The following PHF14 variants were observed in gnomAD, a reference collection of about 807,000 sequenced individuals.
The protein encoded by PHF14 is PHD finger protein 14.
Under a neutral mutation model 117.9 loss-of-function variants are expected in PHF14, and 55 were observed. The observed-to-expected ratio is 0.47, with a 90% CI of 0.38 to 0.58. The LOEUF is 0.58. PHF14 is among the 20% of genes least tolerant of loss of function. The pLI, the probability that PHF14 is intolerant of heterozygous loss-of-function variation, is 0.00. For missense variants in PHF14, 978 were observed against 1,122.2 expected, an observed-to-expected ratio of 0.87 and a Z score of 1.84; for synonymous variants, 409 against 368.6, an observed-to-expected ratio of 1.11 and a Z score of -1.26.
chr7:10,990,286 A>G (rs1276876572), intron 3 of PHF14, among the ~76,000 whole-genome samples: 1 of 152,214 alleles, frequency 6.6e-6, no homozygotes, highest in Non-Finnish European at 1.5e-5. Flanking sequence ...ATAAGCTCCT[A>G]AAGTGTAAGA....
At chr7:11,054,023 CAAA>C (rs879351207) in intron 14 of PHF14, among the ~76,000 whole-genome samples, 1 of 140,860 alleles carries the variant, frequency 7.1e-6, no homozygotes. Context: ...GTTGAAGCTC[CAAA>C]AAAAAAAAAT....
chr7:11,063,143 A>G (rs530568773), intron 16 of PHF14: 7 of 958,858 alleles, frequency 7.3e-6, no homozygotes, highest in Non-Finnish European at 8.7e-6. Flanking sequence ...AATGAGAAAG[A>G]TAAAGTAAAA....
intron 16 of PHF14, chr7:11,109,711 C>CT (rs1261000260): frequency 2.0e-5 from 3 of 151,374 alleles, no homozygotes; most frequent in African/African-American, 7.3e-5. Context: ...ATTATTCTTT[C>CT]TTAATGCCAG....
At chr7:11,004,468 T>C (rs1004044014) in intron 4 of PHF14, among the ~76,000 whole-genome samples, 2 of 151,724 alleles carry the variant, frequency 1.3e-5, no homozygotes, top group African/African-American at 2.4e-5. Context: ...GTCACTATGG[T>C]TTCTCCACAC....
chr7:11,136,967 A>G (rs1788238097), intron 17 of PHF14, among the ~76,000 whole-genome samples: 2 of 152,222 alleles, frequency 1.3e-5, no homozygotes, highest in Admixed American at 6.5e-5. Flanking sequence ...AGAAATAACC[A>G]CTACTAACAT....
intron 17 of PHF14, among the ~76,000 whole-genome samples, chr7:11,139,283 G>A (rs1044140493): frequency 2.6e-5 from 4 of 152,034 alleles, no homozygotes; most frequent in Non-Finnish European, 5.9e-5. Context: ...TAAAAATTAG[G>A]CATTCATCTA....
intron 16 of PHF14, among the ~76,000 whole-genome samples, chr7:11,074,408 C>A (rs1025553956): frequency 1.3e-5 from 2 of 151,960 alleles, no homozygotes; most frequent in East Asian, 3.9e-4. Flanking sequence ...GGCAGGGTTT[C>A]GCCGTGTTAG....
rs1366372206 is a variant in PHF14, at chr7:11,169,446, A to G, written c.2803A>G (p.Ile935Val). ...TGAAAATGAAGCTGAAAGAAAAAATATATCTCAGGAGCTCAACATGGAACA... is the reference window on the plus strand; with the variant it reads ...TGAAAATGAAGCTGAAAGAAAAAATGTATCTCAGGAGCTCAACATGGAACA... ...EDENEAERKN[I>V]SQELNMEQKN... Residue 935 changes from isoleucine (I) to valine (V), a missense_variant, in exon 18 of 18, where the codon ATA (isoleucine) becomes GTA (valine). Ile to Val is a conservative substitution (Grantham distance 29). Transcript: ENST00000634607. 6 of 1,512,722 alleles carry G rather than the reference A, an allele frequency of 4.0e-6. No homozygotes were observed. Among genetic ancestry groups the G allele is most frequent in the Non-Finnish European group, 5.4e-6 (6 of 1,115,492 alleles). 93.7% of individuals were successfully genotyped at this position (1,512,722 alleles called of 1,614,324 possible).
intron 3 of PHF14, among the ~76,000 whole-genome samples, chr7:10,987,414 CAT>C (rs1252901827): frequency 2.5e-3 from 384 of 152,010 alleles, no homozygotes; most frequent in African/African-American, 8.9e-3. Context: ...CATTTACAGT[CAT>C]ATGTGGAATA....
chr7:11,071,260 A>G (rs998811923), intron 16 of PHF14: 2 of 518,652 alleles, frequency 3.9e-6, no homozygotes, highest in East Asian at 5.4e-5. Flanking sequence ...TATATATTCC[A>G]TGTTCCCAAG....
intron 6 of PHF14, among the ~76,000 whole-genome samples, chr7:11,026,109 CAAAAA>C (rs142566001): frequency 5.4e-5 from 3 of 55,690 alleles, no homozygotes; most frequent in Non-Finnish European, 5.6e-5. Context: ...GAGACTCCAT[CAAAAA>C]AAAAAAAAAA....
chr7:10,974,142 G>A lies in PHF14; in HGVS notation c.-182G>A. 3 of 603,156 alleles carry A rather than the reference G, an allele frequency of 5.0e-6. No individual in the cohort carries two copies. The highest frequency in any genetic ancestry group is 9.0e-6 in the Non-Finnish European group (3 of 335,096). The allele number at this position is 603,156 out of a possible 1,614,324, so 37.4% of individuals were successfully genotyped here. On this transcript the variant is annotated 5_prime_UTR_variant, in exon 1 of 18. Transcript: ENST00000634607. Reference sequence around the variant, plus strand: ...GCCAGGGCCAGGCGAGGCCGGGGGGGCGGGGGGTTAGGGGACCGCGGGGCT... The same window carrying A: ...GCCAGGGCCAGGCGAGGCCGGGGGGACGGGGGGTTAGGGGACCGCGGGGCT...
chr7:10,974,486 C>T (rs1199384631), intron 1 of PHF14, among the ~76,000 whole-genome samples, 162 bp downstream of exon 1: 1 of 152,134 alleles, frequency 6.6e-6, no homozygotes, highest in African/African-American at 2.4e-5. Flanking sequence ...TTGTTTTATT[C>T]CCTGATTTTT....
At chr7:11,067,694 A>G (rs769732803) in intron 16 of PHF14, among the ~76,000 whole-genome samples, 6 of 152,176 alleles carry the variant, frequency 3.9e-5, no homozygotes, top group Non-Finnish European at 8.8e-5. Context: ...TTGGCTCACA[A>G]TTCTCATTGT....
rs1219996540 is a variant in PHF14 at position 10,990,754 on chromosome 7, C to T, written c.952C>T (p.His318Tyr). Residue 318 changes from histidine to tyrosine, a missense_variant, in exon 4 of 18, where the codon CAT becomes TAT. By Grantham distance (83) the His-to-Tyr change is moderately conservative. Coordinates refer to ENST00000634607, the MANE Select transcript of PHF14 (RefSeq NM_001007157.2). ...AAACTGGAGCTCTCAAAAAATGGACCATATTCTGATTTGCTGTGTTTGTCT... is the reference window on the plus strand; with the variant it reads ...AAACTGGAGCTCTCAAAAAATGGACTATATTCTGATTTGCTGTGTTTGTCT... The part of the protein sequence containing the change: ...SQNWSSQKMD[H>Y]ILICCVCLGD... The T allele has an allele frequency of 6.4e-7, 1 of 1,572,338 alleles. No homozygotes were observed. The highest frequency in any genetic ancestry group is 2.3e-5 in the East Asian group (1 of 43,482).
intron 11 of PHF14, among the ~76,000 whole-genome samples, chr7:11,039,750 A>C (rs984826685): frequency 5.9e-5 from 9 of 152,194 alleles, no homozygotes; most frequent in Admixed American, 4.6e-4. Context: ...AAGATGCTTT[A>C]TGTGAAAAGA....
rs1176342996 is a variant in PHF14 at position 10,990,721 on chromosome 7, A to C, written c.919A>C (p.Lys307Gln). 6.4e-7 allele frequency: 1 copy of C among 1,550,530 alleles called. No homozygotes were observed. The highest frequency in any genetic ancestry group is 1.2e-5 in the South Asian group (1 of 83,828). ...KSNEDSLILE[K>Q]SQNWSSQKMD... The stretch of plus-strand genomic sequence containing the variant: ...ATATTAGGACTCGCTGATTCTTGAG[A>C]AGAGTCAAAACTGGAGCTCTCAAAA... Residue 307 changes from lysine (K) to glutamine (Q), a missense_variant, in exon 4 of 18, where the codon AAG becomes CAG. Lys to Gln is a moderately conservative substitution (Grantham distance 53). Coordinates refer to ENST00000634607, the MANE Select transcript of PHF14 (RefSeq NM_001007157.2).
intron 16 of PHF14, among the ~76,000 whole-genome samples, chr7:11,100,693 A>G (rs964841280): frequency 4.6e-5 from 7 of 151,868 alleles, no homozygotes; most frequent in African/African-American, 1.4e-4. Flanking sequence ...ACTGCTTGAG[A>G]TAGATACTGA....
At chr7:11,056,288 G>A (rs1785016015) in intron 14 of PHF14, among the ~76,000 whole-genome samples, 1 of 152,150 alleles carries the variant, frequency 6.6e-6, no homozygotes. Flanking sequence ...AATAGGTGGA[G>A]CTTTCAAGAC....
Sources: allele counts gnomAD v4.1 joint callset (sites outside exome capture counted in the v4.1 genomes callset), GRCh38; gene constraint gnomAD v4.1.1; transcripts MANE v1.5; gene names NCBI Gene and HGNC (gene_info 2026-07-23, HGNC 2026-07-21).